The following CDIN1 variants were observed in gnomAD, a reference collection of about 807,000 sequenced individuals.
CDIN1 encodes the protein CDAN1 interacting nuclease 1.
A neutral mutation model predicts 45.3 loss-of-function variants in CDIN1; 33 were observed. The observed-to-expected ratio is 0.73, with a 90% CI of 0.55 to 0.97. CDIN1 has a LOEUF of 0.97. Ranked by LOEUF, CDIN1 falls within the 50% of genes least tolerant of loss-of-function variation. CDIN1 has a pLI of 0.00. For synonymous variants in CDIN1, 118 were observed against 124.4 expected, an observed-to-expected ratio of 0.95 and a Z score of 0.34; for missense variants, 303 against 339.4, an observed-to-expected ratio of 0.89 and a Z score of 0.84.
intron 8 of CDIN1, 33 bp from the exon 9 acceptor site, chr15:36,709,190 G>C: frequency 1.3e-6 from 2 of 1,560,986 alleles, no homozygotes; most frequent in Non-Finnish European, 1.7e-6. Context: ...ATTGAATAGT[G>C]TTTTAAGTAA....
intron 10 of CDIN1, among the ~76,000 whole-genome samples, chr15:36,754,546 A>G (rs1432153188): frequency 6.7e-6 from 1 of 149,328 alleles, no homozygotes; most frequent in South Asian, 2.1e-4. Flanking sequence ...TAACAAAAAT[A>G]CTAAGTTGAT....
chr15:36,730,618 T>C (rs942440777), intron 10 of CDIN1, among the ~76,000 whole-genome samples: 2 of 152,074 alleles, frequency 1.3e-5, no homozygotes, highest in Non-Finnish European at 2.9e-5. Context: ...TGATTTAGCA[T>C]CTCTCCATAA....
chr15:36,605,188 T>C (rs1243229411), intron 1 of CDIN1, among the ~76,000 whole-genome samples: 5 of 152,182 alleles, frequency 3.3e-5, no homozygotes, highest in Non-Finnish European at 5.9e-5. Flanking sequence ...TCACTATCAT[T>C]GTCAGTGTGT....
intron 10 of CDIN1, among the ~76,000 whole-genome samples, chr15:36,716,734 A>G (rs948006689): frequency 1.3e-5 from 2 of 152,186 alleles, no homozygotes; most frequent in Non-Finnish European, 2.9e-5. Flanking sequence ...CCGAGCCTCA[A>G]CTTGCTAGCT....
rs184127678 is a variant in CDIN1 at position 36,770,378 on chromosome 15, G to A, written c.717-37946G>A. On this transcript the variant is annotated intron_variant, in intron 10 of 10. Transcript: ENST00000566621. ...AGGGAGGGAGAGAGAGAAAAGGAGA[G>A]GGGAGAGGGAGAATTCAATCTTAAC... is the stretch of plus-strand genomic sequence containing the variant. Among the ~76,000 whole-genome samples, 4 of 151,798 alleles carry A rather than the reference G, an allele frequency of 2.6e-5. No homozygotes were observed. The East Asian group carries it at 7.7e-4, about 29-fold the overall frequency.
At chr15:36,765,188 T>C (rs2141009392) in intron 10 of CDIN1, among the ~76,000 whole-genome samples, 1 of 151,892 alleles carries the variant, frequency 6.6e-6, no homozygotes, top group Non-Finnish European at 1.5e-5. Flanking sequence ...TCCTATTAGC[T>C]GGGGTAACAG....
intron 5 of CDIN1, among the ~76,000 whole-genome samples, chr15:36,680,074 T>A (rs1370048767): frequency 2.0e-5 from 3 of 152,238 alleles, no homozygotes; most frequent in African/African-American, 7.2e-5. Flanking sequence ...CCAAGCTTGA[T>A]GATTAGCACA....
intron 1 of CDIN1, among the ~76,000 whole-genome samples, chr15:36,591,025 T>A (rs1259275906): frequency 6.6e-6 from 1 of 152,242 alleles, no homozygotes; most frequent in African/African-American, 2.4e-5. Flanking sequence ...AATCTAGGAA[T>A]GTTTTAGGAT....
intron 10 of CDIN1, among the ~76,000 whole-genome samples, chr15:36,719,882 T>C (rs552726283): frequency 5.7e-4 from 87 of 152,270 alleles, no homozygotes; most frequent in African/African-American, 1.9e-3. Context: ...TTTGTCCATT[T>C]AATCTAAGTT....
At chr15:36,635,544 C>T (rs2039863087) in intron 1 of CDIN1, among the ~76,000 whole-genome samples, 1 of 151,968 alleles carries the variant, frequency 6.6e-6, no homozygotes, top group Non-Finnish European at 1.5e-5. Flanking sequence ...AGAATCAATC[C>T]CCTGTGTGTA....
intron 5 of CDIN1, among the ~76,000 whole-genome samples, chr15:36,689,678 C>T (rs1000606065): frequency 6.6e-6 from 1 of 152,088 alleles, no homozygotes; most frequent in African/African-American, 2.4e-5. Context: ...TTCCCAGGCA[C>T]ATTATTTTTT....
At chr15:36,788,241 C>T (rs914271264) in intron 10 of CDIN1, among the ~76,000 whole-genome samples, 14 of 150,694 alleles carry the variant, frequency 9.3e-5, no homozygotes, top group Non-Finnish European at 1.8e-4. Flanking sequence ...CTCAGCCTCC[C>T]GAGTAGCTGG....
chr15:36,588,297 A>G (rs565825117), intron 1 of CDIN1, among the ~76,000 whole-genome samples: 2 of 152,350 alleles, frequency 1.3e-5, no homozygotes, highest in East Asian at 1.9e-4. Context: ...TGCAATGCAT[A>G]ATTAATACCG....
chr15:36,734,820 A>G (rs1027756101), intron 10 of CDIN1, among the ~76,000 whole-genome samples: 3 of 152,192 alleles, frequency 2.0e-5, no homozygotes, highest in Non-Finnish European at 4.4e-5. Context: ...TCAATGATCA[A>G]TGTATTCACT....
At chr15:36,757,279 T>C (rs781326190) in intron 10 of CDIN1, among the ~76,000 whole-genome samples, 1 of 152,176 alleles carries the variant, frequency 6.6e-6, no homozygotes, top group African/African-American at 2.4e-5. Flanking sequence ...TTGCAGTTGC[T>C]AGCCTGTTGA....
intron 10 of CDIN1, among the ~76,000 whole-genome samples, chr15:36,787,510 A>C (rs1158956058): frequency 1.3e-5 from 2 of 152,208 alleles, no homozygotes; most frequent in African/African-American, 2.4e-5. Flanking sequence ...TCACTTGTAT[A>C]CAGTTTATTC....
chr15:36,655,150 C>T (rs1474623069), intron 4 of CDIN1, among the ~76,000 whole-genome samples: 1 of 152,116 alleles, frequency 6.6e-6, no homozygotes. Flanking sequence ...CTGCAGTCAA[C>T]AAATGAGCAA....
intron 1 of CDIN1, among the ~76,000 whole-genome samples, chr15:36,614,899 C>T (rs1263893891): frequency 6.6e-6 from 1 of 152,088 alleles, no homozygotes; most frequent in East Asian, 1.9e-4. Flanking sequence ...ATTTTTGTCC[C>T]ATCTCTACCC....
chr15:36,613,671 A>T lies in CDIN1; in HGVS notation c.102-30607A>T, dbSNP rs112841641. ...GTTGAAGAGGAGCTGGACCGTGCTC[A>T]GGAGCGCCTGGCTACTGCCCTGCAA... is the stretch of plus-strand genomic sequence containing the variant. On this transcript the variant is annotated intron_variant, in intron 1 of 10. Coordinates refer to ENST00000566621, the MANE Select transcript of CDIN1 (RefSeq NM_001321759.2). The T allele has an allele frequency of 3.7e-5, 53 of 1,446,210 alleles. 1 individual carries two copies. The African/African-American group carries it at 6.5e-4, about 18-fold the overall frequency. 89.6% of individuals were successfully genotyped at this position (1,446,210 alleles called of 1,614,324 possible).
Sources: gnomAD v4.1 joint callset for allele counts (sites outside exome capture counted in the v4.1 genomes callset) on GRCh38, gnomAD v4.1.1 for gene constraint, MANE v1.5 for transcripts, NCBI Gene and HGNC (gene_info 2026-07-23, HGNC 2026-07-21) for gene names.